The following SNURF variants were observed in gnomAD, a reference collection of about 807,000 sequenced individuals.
SNURF encodes the protein SNRPN upstream open reading frame, also known as SNURF protein.
SNURF carries 6 observed loss-of-function variants against 11.6 expected under a neutral mutation model. That is an observed-to-expected ratio of 0.52 (90% CI 0.28 to 1.02). SNURF has a LOEUF of 1.02. Among genes scored for constraint, SNURF ranks in the 50% least tolerant of loss-of-function variants. SNURF has a pLI of 0.09. For synonymous variants in SNURF, 29 were observed against 31.6 expected, an observed-to-expected ratio of 0.92 and a Z score of 0.27; for missense variants, 84 against 88.4, an observed-to-expected ratio of 0.95 and a Z score of 0.20.
chr15:24,975,450 G>A (rs2076954345), exon 4 of SNURF: 6 of 1,613,770 alleles, frequency 3.7e-6, no homozygotes, highest in African/African-American at 1.3e-5. Flanking sequence ...GCACCTTTAA[G>A]GCTTTTGACA....
intron 2 of SNURF, among the ~76,000 whole-genome samples, chr15:24,962,840 G>T (rs2075044013): frequency 6.6e-6 from 1 of 151,834 alleles, no homozygotes; most frequent in Admixed American, 6.6e-5. Flanking sequence ...AAATTTTGAT[G>T]GCATTAAAAT....
At chr15:24,970,633 C>T (rs1416224756), downstream of SNURF, among the ~76,000 whole-genome samples, 1 of 152,100 alleles carries the variant, frequency 6.6e-6, no homozygotes, top group Non-Finnish European at 1.5e-5. Flanking sequence ...TAAATATTTA[C>T]CAGGGTACAT....
chr15:24,956,371 C>T (rs2153368502), intron 1 of SNURF, among the ~76,000 whole-genome samples: 1 of 149,682 alleles, frequency 6.7e-6, no homozygotes, highest in South Asian at 2.1e-4. Context: ...GTGGCCGCTT[C>T]CTCCCTGTAG....
downstream of SNURF, among the ~76,000 whole-genome samples, chr15:24,969,114 C>T (rs2076067177): frequency 2.0e-5 from 3 of 150,590 alleles, no homozygotes; most frequent in South Asian, 6.2e-4. Context: ...TTTATGGCCA[C>T]CATTTTGAGT....
intron 2 of SNURF, 80 bp from the exon 3 acceptor site, chr15:24,967,852 G>A: frequency 1.8e-6 from 2 of 1,093,752 alleles, no homozygotes; most frequent in Non-Finnish European, 2.8e-6. Flanking sequence ...AAATGTAAGG[G>A]TACCTAGTTT....
chr15:24,978,599 A>G (rs898166830), downstream of SNURF: 6 of 734,962 alleles, frequency 8.2e-6, no homozygotes, highest in African/African-American at 1.8e-5. Flanking sequence ...TGTTGTATAT[A>G]TTTTTTTGCC....
chr15:24,955,040 A>G (rs370974348), exon 1 of SNURF: 8 of 1,613,114 alleles, frequency 5.0e-6, no homozygotes, highest in African/African-American at 1.3e-5. Context: ...AGGAGCGGTC[A>G]GTGACGCGAT....
chr15:24,958,492 T>TTTG (rs1427456120), intron 1 of SNURF, among the ~76,000 whole-genome samples: 2 of 37,142 alleles, frequency 5.4e-5, no homozygotes, highest in Non-Finnish European at 4.9e-5. Flanking sequence ...CAAAGTTTTT[T>TTTG]TTTTTTTTTT....
rs73354191 is a variant in SNURF at position 24,966,269 on chromosome 15, G to C, written c.111-1663G>C. 2.7e-3 allele frequency among the ~76,000 whole-genome samples: 408 copies of C among 149,442 alleles called. 1 individual carries two copies. Among genetic ancestry groups the C allele is most frequent in the African/African-American group, 9.9e-3 (388 of 39,014 alleles). On this transcript the variant is annotated intron_variant, in intron 2 of 2. Coordinates refer to ENST00000577949, the Ensembl canonical transcript of SNURF. ...TAAATGACTAGTAGATCTCAAGAAA[G>C]TGCTATACTTACTAGTTTTTTTTAT...
intron 2 of SNURF, among the ~76,000 whole-genome samples, chr15:24,965,481 G>A (rs2075479866): frequency 6.6e-6 from 1 of 152,144 alleles, no homozygotes; most frequent in African/African-American, 2.4e-5. Context: ...AGGTTGCAGT[G>A]AGCCGAGATG....
chr15:24,978,014 A>G (rs2077262894), downstream of SNURF: 9 of 1,284,272 alleles, frequency 7.0e-6, no homozygotes, highest in East Asian at 1.9e-4. Flanking sequence ...TTTGGGGAAT[A>G]TGCTTCCTTC....
At chr15:24,975,312 T>G (rs759387213) in intron 3 of SNURF, 5 of 1,537,890 alleles carry the variant, frequency 3.3e-6, no homozygotes, top group Admixed American at 1.7e-5. Flanking sequence ...ATTAGAAGAC[T>G]AGGGTGTTGG....
chr15:24,978,279 C>T (rs1303487250), downstream of SNURF: 5 of 1,614,020 alleles, frequency 3.1e-6, no homozygotes, highest in Non-Finnish European at 4.2e-6. Context: ...AATAGGCATG[C>T]CGCCTCCGGG....
chr15:24,970,302 G>A (rs149356591), downstream of SNURF, among the ~76,000 whole-genome samples: 78 of 152,328 alleles, frequency 5.1e-4, 1 homozygote, highest in Admixed American at 9.1e-4. Context: ...TAATGTGGCC[G>A]GGTGTGGTGG....
intron 4 of SNURF, chr15:24,976,239 A>C (rs983377647): frequency 8.3e-7 from 1 of 1,208,776 alleles, no homozygotes; most frequent in African/African-American, 1.5e-5. Context: ...TTGAGGTTGT[A>C]TAAATATTTT....
At position 24,962,105 on chromosome 15, in the gene SNURF, C is replaced by T; in HGVS notation, c.15-9C>T. 2 of 1,612,874 alleles carry T rather than the reference C, an allele frequency of 1.2e-6. No individual in the cohort carries two copies. Among genetic ancestry groups the T allele is most frequent in the Non-Finnish European group, 1.7e-6 (2 of 1,178,908 alleles). ...TCTACCAAACAAATGCCTCTCTTTT[C>T]TGTTTCAGGGATCGCTTACACCTGA... On this transcript the variant is annotated splice_polypyrimidine_tract_variant and intron_variant, in intron 1 of 2. Transcript: ENST00000577949.
downstream of SNURF, chr15:24,978,393 T>C (rs756640450): frequency 1.5e-5 from 24 of 1,614,022 alleles, no homozygotes; most frequent in Non-Finnish European, 1.8e-5. Flanking sequence ...TCAATGTTTC[T>C]ATTTCCTTTC....
intron 5 of SNURF, chr15:24,976,489 G>A: frequency 2.0e-6 from 2 of 1,017,200 alleles, no homozygotes; most frequent in Admixed American, 2.2e-5. Context: ...TCTGAAATCA[G>A]GGTAGAGCAG....
intron 1 of SNURF, among the ~76,000 whole-genome samples, chr15:24,961,590 G>C (rs115048706): frequency 6.6e-6 from 1 of 152,214 alleles, no homozygotes; most frequent in East Asian, 1.9e-4. Context: ...ATAGTTTTTA[G>C]CTTGAGCAGC....
Sources: allele counts gnomAD v4.1 joint callset (sites outside exome capture counted in the v4.1 genomes callset), GRCh38; gene constraint gnomAD v4.1.1; transcripts MANE v1.5; gene names NCBI Gene and HGNC (gene_info 2026-07-23, HGNC 2026-07-21).